Variants in SYT1 observed in about 807,000 individuals in gnomAD.
SYT1 encodes synaptotagmin 1.
Under a neutral mutation model 44.8 loss-of-function variants are expected in SYT1, and 8 were observed. The ratio of observed to expected loss-of-function variants is 0.18; its 90% CI spans 0.10 to 0.32. The LOEUF (loss-of-function observed/expected upper bound fraction) is 0.32. Among genes scored for constraint, SYT1 ranks in the 10% least tolerant of loss-of-function variants. SYT1 has a pLI of 1.00. For missense variants in SYT1, 286 were observed against 509.3 expected (o/e 0.56, Z 4.22); for synonymous variants, 154 against 188.8 (o/e 0.82, Z 1.51).
At chr12:78,958,946 C>G (rs965687524) in intron 1 of SYT1, among the ~76,000 whole-genome samples, 5 of 152,064 alleles carry the variant, frequency 3.3e-5, no homozygotes, top group Non-Finnish European at 7.4e-5. Context: ...ACTCAAACTT[C>G]ATTCTTTCAT....
At chr12:79,293,412 A>AAAATAAAATAAAATTT (rs1879731725) in intron 6 of SYT1, among the ~76,000 whole-genome samples, 1 of 82,724 alleles carries the variant, frequency 1.2e-5, no homozygotes, top group Non-Finnish European at 2.6e-5. Flanking sequence ...AAATAAAATT[A>AAAATAAAATAAAATTT]AAAAATCTGT....
intron 3 of SYT1, among the ~76,000 whole-genome samples, chr12:79,204,535 C>T (rs370668405): frequency 1.3e-5 from 2 of 152,140 alleles, no homozygotes; most frequent in African/African-American, 2.4e-5. Flanking sequence ...CACTGAGAGC[C>T]GATTGGCTTG....
intron 9 of SYT1, among the ~76,000 whole-genome samples, chr12:79,377,198 GC>G (rs1198155048): frequency 1.3e-5 from 2 of 152,034 alleles, no homozygotes; most frequent in Non-Finnish European, 2.9e-5. Context: ...TGCAAGCTCT[GC>G]CTCCCAGGTT....
chr12:79,414,301 C>A (rs552232349), intron 9 of SYT1, among the ~76,000 whole-genome samples: 2 of 152,152 alleles, frequency 1.3e-5, no homozygotes, highest in Admixed American at 1.3e-4. Flanking sequence ...TTTGGTGAAG[C>A]CGGAGTATGG....
chr12:78,971,970 C>T (rs1273349797), intron 1 of SYT1, among the ~76,000 whole-genome samples: 1 of 152,036 alleles, frequency 6.6e-6, no homozygotes, highest in Non-Finnish European at 1.5e-5. Flanking sequence ...AGGAGGTTTG[C>T]AGACTTCTAG....
intron 3 of SYT1, among the ~76,000 whole-genome samples, chr12:79,171,816 A>C (rs1224883629): frequency 6.6e-6 from 1 of 151,970 alleles, no homozygotes; most frequent in African/African-American, 2.4e-5. Context: ...CAGCTCTCCT[A>C]TTATTAATAA....
At chr12:79,166,718 A>T (rs1871242253) in intron 3 of SYT1, among the ~76,000 whole-genome samples, 1 of 152,018 alleles carries the variant, frequency 6.6e-6, no homozygotes, top group Non-Finnish European at 1.5e-5. Context: ...TCTTGTGAGG[A>T]TCAAATGAGA....
chr12:78,998,011 G>A (rs954312323), intron 2 of SYT1, among the ~76,000 whole-genome samples: 3 of 152,066 alleles, frequency 2.0e-5, no homozygotes, highest in Non-Finnish European at 4.4e-5. Flanking sequence ...TGACAAATTG[G>A]CTCCTATCAG....
In SYT1 at chr12:79,032,037, G is replaced by A. The variant is rs147625737; in HGVS notation, c.-83-15260G>A. 5.8e-3 allele frequency among the ~76,000 whole-genome samples: 869 copies of A among 151,004 alleles called. 5 individuals carry two copies. The highest frequency in any genetic ancestry group is 0.02 in the African/African-American group (823 of 41,360). The stretch of plus-strand genomic sequence containing the variant: ...GTAGAAATCAAGTAACTTTTTTCAC[G>A]TTTACATAAAAGTCAGGAGCATAGC... On this transcript the variant is annotated intron_variant, in intron 2 of 10. Coordinates refer to ENST00000261205, the MANE Select transcript of SYT1 (RefSeq NM_005639.3).
At chr12:79,179,478 G>GATATATCTATATAGATAT (rs1565842326) in intron 3 of SYT1, among the ~76,000 whole-genome samples, 6 of 17,978 alleles carry the variant, frequency 3.3e-4, no homozygotes, top group South Asian at 1.3e-3. Context: ...TATAGATATA[G>GATATATCTATATAGATAT]AGATATAGAT....
At chr12:79,293,385 TAAAATAAA>T (rs1565894570) in intron 6 of SYT1, among the ~76,000 whole-genome samples, 90 of 79,122 alleles carry the variant, frequency 1.1e-3, no homozygotes, top group Non-Finnish European at 1.8e-3. Flanking sequence ...TAAAATAAAA[TAAAATAAA>T]ATAAAATAAA....
Position 79,281,563 on chromosome 12 carries a change from C to G in SYT1, c.167-4224C>G, listed in dbSNP as rs140537580. Among the ~76,000 whole-genome samples, 11 of 152,124 alleles carry G rather than the reference C, an allele frequency of 7.2e-5. No homozygotes were observed. In the East Asian group the frequency reaches 2.1e-3, roughly 29 times the overall value. On this transcript the variant is annotated intron_variant, in intron 4 of 10. Coordinates refer to ENST00000261205, the MANE Select transcript of SYT1 (RefSeq NM_005639.3). ...AAGGGGATGAGAGATTAAATATTACCTATTGGATACAATGTACACCATTCA... is the reference window on the plus strand; with the variant it reads ...AAGGGGATGAGAGATTAAATATTACGTATTGGATACAATGTACACCATTCA...
At chr12:78,916,506 T>C (rs978774116) in intron 1 of SYT1, among the ~76,000 whole-genome samples, 2 of 152,056 alleles carry the variant, frequency 1.3e-5, no homozygotes, top group African/African-American at 4.8e-5. Context: ...TTCTCTCTTA[T>C]CCTACTTTTT....
chr12:79,206,438 G>A (rs1283935326), intron 3 of SYT1, among the ~76,000 whole-genome samples: 4 of 152,240 alleles, frequency 2.6e-5, no homozygotes, highest in South Asian at 2.1e-4. Context: ...TTGAGCGTAC[G>A]TTGAGCAAAT....
intron 3 of SYT1, among the ~76,000 whole-genome samples, chr12:79,136,521 T>A (rs1258390794): frequency 6.6e-6 from 1 of 152,180 alleles, no homozygotes; most frequent in Non-Finnish European, 1.5e-5. Context: ...AGACTTCTAA[T>A]CTCCATTTTT....
chr12:79,251,571 C>G (rs1347908403), intron 4 of SYT1, among the ~76,000 whole-genome samples: 2 of 152,136 alleles, frequency 1.3e-5, no homozygotes, highest in Admixed American at 1.3e-4. Context: ...CTATGGATAA[C>G]CACACTCTGT....
intron 9 of SYT1, among the ~76,000 whole-genome samples, chr12:79,380,060 CCTT>C (rs778446997): frequency 3.9e-5 from 6 of 152,180 alleles, no homozygotes; most frequent in Admixed American, 6.5e-5. Flanking sequence ...TTTTTAGAAA[CCTT>C]CTTTTAGAAT....
At chr12:79,063,058 C>T (rs1003196794) in intron 3 of SYT1, among the ~76,000 whole-genome samples, 3 of 152,142 alleles carry the variant, frequency 2.0e-5, no homozygotes, top group East Asian at 1.9e-4. Context: ...GAGCACGTCA[C>T]GGTTTACATA....
At chr12:79,077,612 C>T (rs749721664) in intron 3 of SYT1, among the ~76,000 whole-genome samples, 4 of 152,082 alleles carry the variant, frequency 2.6e-5, no homozygotes, top group Non-Finnish European at 5.9e-5. Context: ...TGATATTAAG[C>T]AATGTATTGA....
Sources: gnomAD v4.1 joint callset for allele counts (sites outside exome capture counted in the v4.1 genomes callset) on GRCh38, gnomAD v4.1.1 for gene constraint, MANE v1.5 for transcripts, NCBI Gene and HGNC (gene_info 2026-07-23, HGNC 2026-07-21) for gene names.